The following TACR2 variants were observed in gnomAD, a reference collection of about 807,000 sequenced individuals.
TACR2 encodes substance-K receptor.
Under a neutral mutation model 28.9 loss-of-function variants are expected in TACR2, and 24 were observed. The observed-to-expected ratio is 0.83, with a 90% confidence interval of 0.60 to 1.17. The LOEUF (loss-of-function observed/expected upper bound fraction) is 1.17. TACR2 is among the 50% of genes most tolerant of loss of function. TACR2 has a pLI of 0.00. For missense variants in TACR2, 487 were observed against 524.4 expected (o/e 0.93, Z 0.70); for synonymous variants, 222 against 212.6 (o/e 1.04, Z -0.38).
At position 69,413,658 on chromosome 10, in the gene TACR2, TCTC is replaced by T. The variant is rs1397096008; in HGVS notation, c.587+1284_587+1286del. On this transcript the variant is annotated intron_variant, in intron 2 of 4. Transcript: ENST00000373306. ...TCCCTGAAGCCCACAAGAGCAGCCT[TCTC>T]CTGGCAGGTGCTCAGGACAGATGGA... Among the ~76,000 whole-genome samples the T allele has an allele frequency of 3.2e-4, 49 of 152,142 alleles. 1 individual carries two copies. Among genetic ancestry groups the T allele is most frequent in the Admixed American group, 3.2e-3 (49 of 15,286 alleles).
At chr10:69,414,529 G>A (rs1167677474) in intron 2 of TACR2, among the ~76,000 whole-genome samples, 2 of 152,196 alleles carry the variant, frequency 1.3e-5, no homozygotes, top group South Asian at 2.1e-4. Context: ...AGAGTGGTGA[G>A]GAGATTGGGC....
intron 2 of TACR2, among the ~76,000 whole-genome samples, chr10:69,411,110 C>T (rs12242086): frequency 0.017 from 2,530 of 152,246 alleles, 74 homozygotes; most frequent in African/African-American, 0.058. Flanking sequence ...CCCCTGGTCC[C>T]GTCATTTGAC....
In TACR2 at chr10:69,409,067, A is replaced by G. The variant is rs1449037881; in HGVS notation, c.596T>C (p.Leu199Pro). Reference protein sequence around the residue: ...SGGKTLLLYHLVVIALIYFLP... With the variant: ...SGGKTLLLYHPVVIALIYFLP... ...GAAGTAGATGAGGGCGATCACCACG[A>G]GGTGGTACCTGCAGGGAGAGCCGAG... is the stretch of plus-strand genomic sequence containing the variant. The change falls in exon 3 of 5, where the codon CTC (leucine) becomes CCC (proline). Residue 199 changes from leucine to proline, a missense_variant. Coordinates refer to ENST00000373306, the MANE Select transcript of TACR2 (RefSeq NM_001057.3). The G allele has an allele frequency of 3.1e-6, 5 of 1,602,918 alleles. No homozygotes were observed. In the African/African-American group the frequency reaches 6.8e-5, roughly 22 times the overall value.
intron 2 of TACR2, among the ~76,000 whole-genome samples, chr10:69,409,904 C>CATATATACATATATATATACATAT (rs1840550912): frequency 2.9e-5 from 1 of 34,674 alleles, no homozygotes; most frequent in Admixed American, 3.3e-4. Flanking sequence ...TATATATATA[C>CATATATACATATATATATACATAT]ATATATATAT....
Position 69,408,982 on chromosome 10 carries a change from G to A in TACR2, c.681C>T (p.Arg227=). The A allele has an allele frequency of 6.2e-7, 1 of 1,603,792 alleles. No individual in the cohort carries two copies. The highest frequency in any genetic ancestry group is 1.1e-5 in the South Asian group (1 of 89,944). The stretch of plus-strand genomic sequence containing the variant: ...CGTGCGCCTGATGTCCGGGCACTGC[G>A]CGCCTCCAGAGCGTGAGGCCGATGA... ...YSVIGLTLWR[R]AVPGHQAHGA... is the part of the protein sequence containing the mutation. Residue 227 remains arginine (R), a synonymous_variant, in exon 3 of 5, where the codon CGC becomes CGT. Coordinates refer to ENST00000373306, the MANE Select transcript of TACR2 (RefSeq NM_001057.3).
rs1010139508 is a variant in TACR2, at chr10:69,404,795, A to G, written c.*31T>C. 1.6e-6 allele frequency: 2 copies of G among 1,266,742 alleles called. No individual in the cohort carries two copies. The highest frequency in any genetic ancestry group is 2.5e-5 in the East Asian group (1 of 39,446). 78.5% of individuals were successfully genotyped at this position (1,266,742 alleles called of 1,614,324 possible). A position where few individuals can be genotyped will look rare whatever the true frequency, so the allele number is the denominator to read the frequency against. ...CCCAATACCCAAACACCTCCCACTA[A>G]CCCCTACCTCCCAACACTGCCACAT... On this transcript the variant is annotated 3_prime_UTR_variant, in exon 5 of 5. Coordinates refer to ENST00000373306, the MANE Select transcript of TACR2 (RefSeq NM_001057.3).
intron 2 of TACR2, among the ~76,000 whole-genome samples, chr10:69,410,874 T>C (rs1840564743): frequency 6.6e-6 from 1 of 152,218 alleles, no homozygotes; most frequent in Admixed American, 6.5e-5. Flanking sequence ...GAATACCCTT[T>C]CCCTATGGTA....
At position 69,416,260 on chromosome 10, in the gene TACR2, C is replaced by T. The variant is rs202026031; in HGVS notation, c.64G>A (p.Gly22Ser). Residue 22 changes from glycine (G) to serine (S), a missense_variant, in exon 1 of 5, where the codon GGC (glycine) becomes AGC (serine). Physicochemically the swap from Gly to Ser is moderately conservative, Grantham distance 56 (BLOSUM62 0). Coordinates refer to ENST00000373306, the MANE Select transcript of TACR2 (RefSeq NM_001057.3). The part of the protein sequence containing the change: ...ISSGPESNTT[G>S]ITAFSMPSWQ... ...CTGGGCATGGAGAAGGCTGTGATGCCCGTGGTGTTGCTCTCAGGGCCAGAT... is the reference window on the plus strand; with the variant it reads ...CTGGGCATGGAGAAGGCTGTGATGCTCGTGGTGTTGCTCTCAGGGCCAGAT... 53 of 1,612,892 alleles carry T rather than the reference C, an allele frequency of 3.3e-5. No individual in the cohort carries two copies. In the East Asian group the frequency reaches 6.7e-4, roughly 20 times the overall value.
At chr10:69,413,293 G>A (rs1205069869) in intron 2 of TACR2, among the ~76,000 whole-genome samples, 1 of 152,194 alleles carries the variant, frequency 6.6e-6, no homozygotes, top group Admixed American at 6.5e-5. Context: ...AATCCTTTCG[G>A]AATTTTAAGC....
Position 69,409,032 on chromosome 10 carries a change from C to T in TACR2, c.631G>A (p.Ala211Thr), listed in dbSNP as rs754833663. ...VIALIYFLPL[A>T]VMFVAYSVIG... ...ACGCTGTAGGCTACAAACATCACCG[C>T]GAGCGGCAGGAAGTAGATGAGGGCG... is the stretch of plus-strand genomic sequence containing the variant. The change falls in exon 3 of 5, where the codon GCG (alanine) becomes ACG (threonine). Residue 211 changes from alanine (A) to threonine (T), a missense_variant. Physicochemically the swap from Ala to Thr is moderately conservative, Grantham distance 58 (BLOSUM62 0). Coordinates refer to ENST00000373306, the MANE Select transcript of TACR2 (RefSeq NM_001057.3). 6 of 1,607,498 alleles carry T rather than the reference C, an allele frequency of 3.7e-6. No homozygotes were observed. The highest frequency in any genetic ancestry group is 5.1e-6 in the Non-Finnish European group (6 of 1,178,356).
At chr10:69,414,124 A>G (rs79986296) in intron 2 of TACR2, among the ~76,000 whole-genome samples, 2,797 of 152,242 alleles carry the variant, frequency 0.018, 92 homozygotes, top group African/African-American at 0.064. Context: ...TGAGATCCTC[A>G]GAAACTGAGG....
chr10:69,407,424 G>T lies in TACR2; in HGVS notation c.742-144C>A, dbSNP rs1355570986. On this transcript the variant is annotated intron_variant, in intron 3 of 4. Coordinates refer to ENST00000373306, the MANE Select transcript of TACR2 (RefSeq NM_001057.3). ...TTAGCTCTATTACTCAGGCCTCTGA[G>T]CATGTTTTGCCCAGACCTTCCTGAG... 8.6e-6 allele frequency: 7 copies of T among 815,858 alleles called. No homozygotes were observed. The Admixed American group carries it at 1.6e-4, about 19-fold the overall frequency. The allele number at this position is 815,858 out of a possible 1,614,324, so 50.5% of individuals were successfully genotyped here. A position where few individuals can be genotyped will look rare whatever the true frequency, so the allele number is the denominator to read the frequency against.
At chr10:69,414,340 T>C (rs541600944) in intron 2 of TACR2, among the ~76,000 whole-genome samples, 1 of 152,320 alleles carries the variant, frequency 6.6e-6, no homozygotes, top group Admixed American at 6.5e-5. Flanking sequence ...GACACACGCC[T>C]ACACATGTCC....
Position 69,416,025 on chromosome 10 carries a change from T to C in TACR2, c.299A>G (p.Tyr100Cys), listed in dbSNP as rs145467105. The change falls in exon 1 of 5, where the codon TAC (tyrosine) becomes TGC (cysteine). Residue 100 changes from tyrosine (Y) to cysteine (C), a missense_variant. Coordinates refer to ENST00000373306, the MANE Select transcript of TACR2 (RefSeq NM_001057.3). ...NFVYASHNIW[Y>C]FGRAFCYFQN... ...GAAGTAGCAGAAGGCACGGCCAAAG[T>C]ACCAGATGTTGTGGCTGGCATAGAC... is the stretch of plus-strand genomic sequence containing the variant. 2 of 1,614,190 alleles carry C rather than the reference T, an allele frequency of 1.2e-6. No homozygotes were observed. The highest frequency in any genetic ancestry group is 3.3e-5 in the Admixed American group (2 of 60,024).
chr10:69,413,938 G>C (rs1351053421), intron 2 of TACR2, among the ~76,000 whole-genome samples: 1 of 152,186 alleles, frequency 6.6e-6, no homozygotes, highest in Non-Finnish European at 1.5e-5. Flanking sequence ...GTACTATTAT[G>C]AATCCTCATT....
At chr10:69,415,853 T>C (rs10998765) in intron 1 of TACR2, 79 bp downstream of exon 1, 359,634 of 1,518,660 alleles carry the variant, frequency 0.24, 48,031 homozygotes, top group African/African-American at 0.54. Flanking sequence ...TGCTGTGTAA[T>C]CACAGGCATG....
rs1355036311 is a variant in TACR2, at chr10:69,404,672, C to G, written c.*154G>C. 6 of 476,224 alleles carry G rather than the reference C, an allele frequency of 1.3e-5. No individual in the cohort carries two copies. Among genetic ancestry groups the G allele is most frequent in the Middle Eastern group, 5.3e-4 (1 of 1,900 alleles). The allele number at this position is 476,224 out of a possible 1,614,324, so 29.5% of individuals were successfully genotyped here. ...ACAGGGAAACTGAGGACACCACACT[C>G]TTTCTAACAACTTGTTATTTTGGGA... On this transcript the variant is annotated 3_prime_UTR_variant, in exon 5 of 5. Coordinates refer to ENST00000373306, the MANE Select transcript of TACR2 (RefSeq NM_001057.3).
chr10:69,409,888 T>TAC, intron 2 of TACR2, among the ~76,000 whole-genome samples: 1 of 12,416 alleles, frequency 8.1e-5, no homozygotes, highest in East Asian at 1.7e-3. Flanking sequence ...TATACATATA[T>TAC]ACATATATAT....
Position 69,416,490 on chromosome 10 carries a change from C to G in TACR2, c.-167G>C. ...CCTGGGGCCACTCCTAGGTCTCAGG[C>G]AAAGATGAGCTGGGCTGAGCACAAA... On this transcript the variant is annotated 5_prime_UTR_variant, in exon 1 of 5. Coordinates refer to ENST00000373306, the MANE Select transcript of TACR2 (RefSeq NM_001057.3). 2.3e-6 allele frequency: 2 copies of G among 852,672 alleles called. No individual in the cohort carries two copies. Among genetic ancestry groups the G allele is most frequent in the Non-Finnish European group, 3.5e-6 (2 of 573,084 alleles). 52.8% of individuals were successfully genotyped at this position (852,672 alleles called of 1,614,324 possible).
Sources: allele counts gnomAD v4.1 joint callset (sites outside exome capture counted in the v4.1 genomes callset), GRCh38; gene constraint gnomAD v4.1.1; transcripts MANE v1.5; gene names NCBI Gene and HGNC (gene_info 2026-07-23, HGNC 2026-07-21).